The following NRG1 variants were observed in gnomAD, a reference collection of about 807,000 sequenced individuals.
NRG1 encodes the protein neuregulin 1.
A neutral mutation model predicts 63.8 loss-of-function variants in NRG1; 18 were observed. The ratio of observed to expected loss-of-function variants is 0.28; its 90% CI spans 0.19 to 0.42. The LOEUF (loss-of-function observed/expected upper bound fraction) is 0.42, where lower values mean the gene tolerates loss of function less well. Ranked by LOEUF, NRG1 falls within the 10% of genes least tolerant of loss-of-function variation. The pLI is 1.00. For missense variants in NRG1, 762 were observed against 814.7 expected (o/e 0.94, Z 0.79); for synonymous variants, 302 against 301.3 (o/e 1.00, Z -0.02).
intron 1 of NRG1, among the ~76,000 whole-genome samples, chr8:31,834,307 G>GCACGCACACACACACACA (rs373890145): frequency 0.058 from 6,942 of 119,430 alleles, 239 homozygotes; most frequent in Non-Finnish European, 0.083. Flanking sequence ...GCGCACGCGC[G>GCACGCACACACACACACA]CACACACACA....
At chr8:32,692,109 A>G (rs890722436) in intron 5 of NRG1, among the ~76,000 whole-genome samples, 2 of 152,242 alleles carry the variant, frequency 1.3e-5, no homozygotes, top group African/African-American at 4.8e-5. Flanking sequence ...ATGCATAATG[A>G]CTTGAAGTAT....
intron 2 of NRG1, among the ~76,000 whole-genome samples, chr8:32,599,748 A>G (rs1029133436): frequency 6.6e-6 from 1 of 152,182 alleles, no homozygotes; most frequent in African/African-American, 2.4e-5. Flanking sequence ...GATTGACCTC[A>G]TTTAAATACC....
intron 1 of NRG1, among the ~76,000 whole-genome samples, chr8:32,480,974 A>G (rs183585064): frequency 6.6e-6 from 1 of 152,336 alleles, no homozygotes; most frequent in East Asian, 1.9e-4. Context: ...GTATACATAC[A>G]TACATTAAAA....
chr8:32,424,475 G>A (rs1305126127), intron 1 of NRG1, among the ~76,000 whole-genome samples: 2 of 152,162 alleles, frequency 1.3e-5, no homozygotes, highest in African/African-American at 4.8e-5. Flanking sequence ...GGGAAATGAA[G>A]AACGAAATGA....
intron 4 of NRG1, among the ~76,000 whole-genome samples, chr8:32,616,285 T>C (rs1412206826): frequency 6.6e-6 from 1 of 152,046 alleles, no homozygotes; most frequent in Non-Finnish European, 1.5e-5. Context: ...TTAGCATGGT[T>C]TGTTTGATCC....
intron 1 of NRG1, among the ~76,000 whole-genome samples, chr8:31,684,224 T>A (rs1447000596): frequency 1.3e-5 from 2 of 152,154 alleles, no homozygotes. Flanking sequence ...ACAAAATTCA[T>A]GTTGAAGCTT....
chr8:32,027,281 C>T (rs189912130), intron 1 of NRG1, among the ~76,000 whole-genome samples: 7 of 152,174 alleles, frequency 4.6e-5, no homozygotes, highest in African/African-American at 1.7e-4. Flanking sequence ...AAAGATGTCT[C>T]ATGGAATATT....
At chr8:31,641,711 A>T (rs1293135360) in intron 1 of NRG1, 2 of 152,182 alleles carry the variant, frequency 1.3e-5, no homozygotes, top group Non-Finnish European at 2.9e-5. Context: ...CAAACAGTAA[A>T]TTAACACGAT....
intron 1 of NRG1, among the ~76,000 whole-genome samples, chr8:32,180,383 G>C (rs1420037319): frequency 1.3e-5 from 2 of 152,070 alleles, no homozygotes; most frequent in African/African-American, 4.8e-5. Flanking sequence ...TTTTACTCAG[G>C]ATAGTGTCTT....
At chr8:32,031,500 T>G (rs912252721) in intron 1 of NRG1, among the ~76,000 whole-genome samples, 4 of 152,142 alleles carry the variant, frequency 2.6e-5, no homozygotes, top group African/African-American at 9.7e-5. Context: ...TTCTGCTTTT[T>G]GTAGCCACAT....
At chr8:31,884,210 T>A (rs1199042102) in intron 1 of NRG1, among the ~76,000 whole-genome samples, 1 of 152,110 alleles carries the variant, frequency 6.6e-6, no homozygotes, top group Admixed American at 6.6e-5. Context: ...CATTAGAAAT[T>A]ATTTATTTTG....
chr8:32,402,097 C>T (rs1353097296), intron 1 of NRG1, among the ~76,000 whole-genome samples: 3 of 152,078 alleles, frequency 2.0e-5, no homozygotes, highest in Non-Finnish European at 4.4e-5. Flanking sequence ...TTTTTTAGTA[C>T]AGATGGGGTT....
intron 1 of NRG1, among the ~76,000 whole-genome samples, chr8:32,082,378 C>T (rs1337404370): frequency 6.6e-6 from 1 of 151,982 alleles, no homozygotes; most frequent in African/African-American, 2.4e-5. Context: ...CACCCTCCAC[C>T]CTCAAGTAGG....
chr8:32,608,107 G>GTTTTTTTTTTTTTTTTTTTTTTTTTTT (rs1224928528), intron 3 of NRG1, among the ~76,000 whole-genome samples: 1 of 104,802 alleles, frequency 9.5e-6, no homozygotes, highest in Non-Finnish European at 1.9e-5. Context: ...TTTTTTTTTT[G>GTTTTTTTTTTTTTTTTTTTTTTTTTTT]TTTTTTTTTT....
chr8:32,098,157 G>A (rs541018243), intron 1 of NRG1, among the ~76,000 whole-genome samples: 10 of 120,606 alleles, frequency 8.3e-5, no homozygotes, highest in South Asian at 2.6e-4. Flanking sequence ...TGTCATAAAG[G>A]CATTTCAGGC....
chr8:32,187,124 G>A (rs904836387), intron 1 of NRG1, among the ~76,000 whole-genome samples: 5 of 152,196 alleles, frequency 3.3e-5, no homozygotes, highest in African/African-American at 1.2e-4. Flanking sequence ...AGCATAGAAT[G>A]TGTTAATTAA....
intron 1 of NRG1, among the ~76,000 whole-genome samples, chr8:31,814,219 C>T (rs574547738): frequency 6.6e-6 from 1 of 152,284 alleles, no homozygotes; most frequent in Admixed American, 6.5e-5. Flanking sequence ...ATCATGAAGA[C>T]GTCCTCACTG....
intron 1 of NRG1, among the ~76,000 whole-genome samples, chr8:32,078,196 G>T (rs1376258868): frequency 6.6e-6 from 1 of 152,164 alleles, no homozygotes; most frequent in Non-Finnish European, 1.5e-5. Flanking sequence ...TGGGTCATAG[G>T]TTCCCTCCCA....
At chr8:31,999,248 G>C (rs997608135) in intron 1 of NRG1, among the ~76,000 whole-genome samples, 3 of 152,010 alleles carry the variant, frequency 2.0e-5, no homozygotes, top group African/African-American at 7.2e-5. Flanking sequence ...TATTTAATAT[G>C]TTTAAATTCC....
Sources: gnomAD v4.1 joint callset for allele counts (sites outside exome capture counted in the v4.1 genomes callset) on GRCh38, gnomAD v4.1.1 for gene constraint, MANE v1.5 for transcripts, NCBI Gene and HGNC (gene_info 2026-07-23, HGNC 2026-07-21) for gene names.